The following SLC43A2 variants were observed in gnomAD, a reference collection of about 807,000 sequenced individuals.
The protein encoded by SLC43A2 is solute carrier family 43 member 2.
A neutral mutation model predicts 63.2 loss-of-function variants in SLC43A2; 38 were observed. The ratio of observed to expected loss-of-function variants is 0.60; its 90% CI spans 0.46 to 0.79. SLC43A2 has a LOEUF of 0.79. Among genes scored for constraint, SLC43A2 ranks in the 30% least tolerant of loss-of-function variants. SLC43A2 has a pLI of 0.00. For synonymous variants in SLC43A2, 322 were observed against 331.0 expected, an observed-to-expected ratio of 0.97 and a Z score of 0.30; for missense variants, 644 against 756.2, an observed-to-expected ratio of 0.85 and a Z score of 1.74.
intron 2 of SLC43A2, among the ~76,000 whole-genome samples, chr17:1,626,683 A>T: frequency 6.6e-6 from 1 of 152,134 alleles, no homozygotes; most frequent in East Asian, 1.9e-4. Context: ...TCTTCCTGCA[A>T]AGAGCTCTAG....
intron 2 of SLC43A2, among the ~76,000 whole-genome samples, chr17:1,620,641 C>A (rs1023596899): frequency 6.6e-6 from 1 of 151,982 alleles, no homozygotes; most frequent in Non-Finnish European, 1.5e-5. Context: ...CGCCTGGGGC[C>A]GGGGAGGTGA....
At chr17:1,584,193 A>C (rs1199476008) in intron 10 of SLC43A2, among the ~76,000 whole-genome samples, 1 of 151,838 alleles carries the variant, frequency 6.6e-6, no homozygotes, top group Non-Finnish European at 1.5e-5. Flanking sequence ...GCGCCCGGCC[A>C]AGCACCCTCT....
At chr17:1,585,625 T>C (rs763171704) in intron 10 of SLC43A2, 1 of 1,275,732 alleles carries the variant, frequency 7.8e-7, no homozygotes, top group South Asian at 1.3e-5. Context: ...TGGCCTCAAG[T>C]GATCTTCCTA....
chr17:1,604,933 C>CCACTCACT, intron 5 of SLC43A2: 1 of 1,520,860 alleles, frequency 6.6e-7, no homozygotes, highest in Admixed American at 2.0e-5. Context: ...TTCGAAGCCG[C>CCACTCACT]GGTGCCGGAG....
chr17:1,578,985 CA>C lies in SLC43A2; in HGVS notation c.1351-663del, dbSNP rs1274621764. ...CGAAACCCTGTCTTTACTAAAAATACAAAAAATTAGCTGGGCGTGGTGGTGG... is the reference window on the plus strand; with the variant it reads ...CGAAACCCTGTCTTTACTAAAAATACAAAAATTAGCTGGGCGTGGTGGTGG... On this transcript the variant is annotated intron_variant, in intron 11 of 13. Coordinates refer to ENST00000301335, the MANE Select transcript of SLC43A2 (RefSeq NM_152346.3). The surrounding 1 kb of genome is among the most constrained non-coding windows in gnomAD (Gnocchi z 6.5). Among the ~76,000 whole-genome samples the C allele has an allele frequency of 6.6e-6, 1 of 151,706 alleles. No homozygotes were observed. The highest frequency in any genetic ancestry group is 1.5e-5 in the Non-Finnish European group (1 of 67,896).
intron 2 of SLC43A2, among the ~76,000 whole-genome samples, chr17:1,618,193 G>A (rs1216909809): frequency 1.3e-5 from 2 of 152,240 alleles, no homozygotes; most frequent in East Asian, 1.9e-4. Context: ...GAGCCCCGCC[G>A]GGGCCGTGTG....
chr17:1,575,497 A>G lies in SLC43A2; in HGVS notation c.*107T>C. 3 of 1,451,320 alleles carry G rather than the reference A, an allele frequency of 2.1e-6. No individual in the cohort carries two copies. The highest frequency in any genetic ancestry group is 2.9e-6 in the Non-Finnish European group (3 of 1,040,608). 89.9% of individuals were successfully genotyped at this position (1,451,320 alleles called of 1,614,324 possible). A position where few individuals can be genotyped will look rare whatever the true frequency, so the allele number is the denominator to read the frequency against. ...CCCGGGAGGGAGCGTGAACGCTGGC[A>G]CGGAGACGGCGAAGGTCCTGGGGGT... On this transcript the variant is annotated 3_prime_UTR_variant, in exon 14 of 14. Transcript: ENST00000301335.
Position 1,591,460 on chromosome 17 carries a change from T to G in SLC43A2, c.740A>C (p.Lys247Thr). ...GTGGTCAAAGCCCAGCCAGCTGAAC[T>G]TGATCTTCACCCTGGGGCCCCGGGA... ...PEDMDYSVKI[K>T]FSWLGFDHKI... The change falls in exon 8 of 14, where the codon AAG becomes ACG. Residue 247 changes from lysine to threonine, a missense_variant. Around this residue, in one of 3 missense-constraint regions of SLC43A2, gnomAD observed 528 missense variants for 623.6 expected, o/e 0.85. Coordinates refer to ENST00000301335, the MANE Select transcript of SLC43A2 (RefSeq NM_152346.3). 6.2e-7 allele frequency: 1 copy of G among 1,613,030 alleles called. No homozygotes were observed.
chr17:1,597,495 A>ACTCTTGT (rs1905421197), intron 5 of SLC43A2, among the ~76,000 whole-genome samples: 1 of 110,318 alleles, frequency 9.1e-6, no homozygotes, highest in East Asian at 2.6e-4. Context: ...ACAGAGCAAG[A>ACTCTTGT]CTCAAAAAAA....
Position 1,627,732 on chromosome 17 carries a change from TA to T in SLC43A2, c.142del (p.Tyr48ThrfsTer25). On this transcript the variant is annotated frameshift_variant, in exon 2 of 14. Coordinates refer to ENST00000301335, the MANE Select transcript of SLC43A2 (RefSeq NM_152346.3). LOFTEE classifies it high-confidence loss of function. ...IMLKSEGFYSYLCTEPENVTN... is the reference protein window; with the variant it reads ...IMLKSEGFYSXLCTEPENVTN... ...TGTCTCACCTGGCTCGGTACACAGG[TA>T]GGAGTAAAAGCCCTCTGACTTGAGC... is the stretch of plus-strand genomic sequence containing the variant. The T allele has an allele frequency of 7.1e-7, 1 of 1,407,670 alleles. No homozygotes were observed. The highest frequency in any genetic ancestry group is 9.4e-7 in the Non-Finnish European group (1 of 1,059,198). 87.2% of individuals were successfully genotyped at this position (1,407,670 alleles called of 1,614,324 possible).
Position 1,610,468 on chromosome 17 carries a change from G to A in SLC43A2, c.501+2727C>T, listed in dbSNP as rs527951380. Among the ~76,000 whole-genome samples the A allele has an allele frequency of 3.8e-4, 54 of 141,542 alleles. 1 individual carries two copies. Among genetic ancestry groups the A allele is most frequent in the African/African-American group, 1.3e-3 (50 of 38,310 alleles). 92.9% of individuals were successfully genotyped at this position (141,542 alleles called of 152,430 possible). A position where few individuals can be genotyped will look rare whatever the true frequency, so the allele number is the denominator to read the frequency against. On this transcript the variant is annotated intron_variant, in intron 5 of 13. Coordinates refer to ENST00000301335, the MANE Select transcript of SLC43A2 (RefSeq NM_152346.3). ...AAAAATTGGAGAGACAAGGTGTCTC[G>A]CTATGTTGCCCAGGCTGGTCTCAAC...
At chr17:1,587,178 G>A (rs553175417) in intron 9 of SLC43A2, among the ~76,000 whole-genome samples, 1 of 152,296 alleles carries the variant, frequency 6.6e-6, no homozygotes, top group Admixed American at 6.5e-5. Flanking sequence ...AGTGGACTTG[G>A]GACAATGCCC....
At position 1,593,128 on chromosome 17, in the gene SLC43A2, G is replaced by T; in HGVS notation, c.594+59C>A. 2 of 1,536,948 alleles carry T rather than the reference G, an allele frequency of 1.3e-6. No individual in the cohort carries two copies. Among genetic ancestry groups the T allele is most frequent in the Non-Finnish European group, 1.8e-6 (2 of 1,121,670 alleles). On this transcript the variant is annotated intron_variant, in intron 6 of 13. Transcript: ENST00000301335. The surrounding 1 kb of genome is among the most constrained non-coding windows in gnomAD (Gnocchi z 5.3). The stretch of plus-strand genomic sequence containing the variant: ...ACAATTGCCTCCCTCTTCAGAGAGG[G>T]TGGAAGGAGCCTGGAGCAGGCCTCT...
intron 2 of SLC43A2, among the ~76,000 whole-genome samples, chr17:1,621,586 T>C (rs949605859): frequency 6.6e-6 from 1 of 152,218 alleles, no homozygotes; most frequent in Non-Finnish European, 1.5e-5. Context: ...GACCAGGGCC[T>C]GGCCCCTGAG....
At chr17:1,587,085 A>ATACTGCGTTTCCCG (rs2076114434) in intron 9 of SLC43A2, 1 of 696,980 alleles carries the variant, frequency 1.4e-6, no homozygotes, top group Non-Finnish European at 2.3e-6. Context: ...TGCATTTCCC[A>ATACTGCGTTTCCCG]CACTGCGTTT....
chr17:1,623,823 C>T (rs1316550902), intron 2 of SLC43A2, among the ~76,000 whole-genome samples: 1 of 149,478 alleles, frequency 6.7e-6, no homozygotes, highest in Non-Finnish European at 1.5e-5. Flanking sequence ...AGGGTGTACC[C>T]TCCTCTCCTC....
At chr17:1,612,544 C>G (rs1469955102) in intron 5 of SLC43A2, among the ~76,000 whole-genome samples, 1 of 152,214 alleles carries the variant, frequency 6.6e-6, no homozygotes, top group South Asian at 2.1e-4. Flanking sequence ...CCGAAGCTCC[C>G]GGAGACCCTG....
chr17:1,620,331 G>A (rs1307216410), intron 2 of SLC43A2, among the ~76,000 whole-genome samples: 1 of 152,194 alleles, frequency 6.6e-6, no homozygotes, highest in Non-Finnish European at 1.5e-5. Flanking sequence ...TTGTGCCACT[G>A]CACTCCAGCC....
At chr17:1,576,867 T>C in intron 12 of SLC43A2, 147 bp from the exon 13 acceptor site, 1 of 921,302 alleles carries the variant, frequency 1.1e-6, no homozygotes, top group Non-Finnish European at 1.5e-6. Context: ...AGTTCTGTTT[T>C]TTTTTTTTTT....
Sources: allele counts gnomAD v4.1 joint callset (sites outside exome capture counted in the v4.1 genomes callset), GRCh38; gene constraint gnomAD v4.1.1; regional missense constraint gnomAD v4.1.1; non-coding constraint Gnocchi (gnomAD v3.1); transcripts MANE v1.5; gene names NCBI Gene and HGNC (gene_info 2026-07-23, HGNC 2026-07-21).